MRPL50: variants seen among roughly 807,000 people sequenced by gnomAD.
MRPL50 encodes large ribosomal subunit protein mL50.
MRPL50 carries 10 observed loss-of-function variants against 16.2 expected under a neutral mutation model. That is an observed-to-expected ratio of 0.62 (90% CI 0.38 to 1.05). The LOEUF (loss-of-function observed/expected upper bound fraction) is 1.05. Ranked by LOEUF, MRPL50 falls within the 50% of genes least tolerant of loss-of-function variation. The probability of loss-of-function intolerance (pLI) is 0.01; values close to 1 mark genes in which losing one functional copy is unlikely to be tolerated. For synonymous variants in MRPL50, 68 were observed against 66.8 expected (o/e 1.02, Z -0.09); for missense variants, 213 against 187.1 (o/e 1.14, Z -0.81).
chr9:101,393,452 C>T (rs571110844), intron 1 of MRPL50, among the ~76,000 whole-genome samples: 8 of 151,934 alleles, frequency 5.3e-5, no homozygotes, highest in South Asian at 4.2e-4. Context: ...TATGATCTTA[C>T]GTATCATACG....
rs760707414 is a variant in MRPL50, at chr9:101,388,541, C to T, written c.*1925G>A. On this transcript the variant is annotated 3_prime_UTR_variant, in exon 2 of 2. Transcript: ENST00000374865. ...TCTGTATGTAAACCCTTTAAAATTA[C>T]ATCATATGTTTGATTATCTCATTCA... The T allele has an allele frequency of 1.3e-5, 2 of 152,106 alleles. No individual in the cohort carries two copies. The allele number at this position is 152,106 out of a possible 1,614,324, so 9.4% of individuals were successfully genotyped here. A position where few individuals can be genotyped will look rare whatever the true frequency, so the allele number is the denominator to read the frequency against.
intron 1 of MRPL50, among the ~76,000 whole-genome samples, chr9:101,397,960 C>T (rs78746608): frequency 6.6e-5 from 10 of 152,184 alleles, no homozygotes; most frequent in Admixed American, 6.5e-5. Flanking sequence ...AAAATCACTT[C>T]CCTCCTGTGG....
At position 101,398,589 on chromosome 9, in the gene MRPL50, C is replaced by G; in HGVS notation, c.4G>C (p.Ala2Pro). 6.2e-7 allele frequency: 1 copy of G among 1,613,652 alleles called. No individual in the cohort carries two copies. The highest frequency in any genetic ancestry group is 1.1e-5 in the South Asian group (1 of 91,080). The change falls in exon 1 of 2, where the codon GCG becomes CCG. Residue 2 changes from alanine to proline, a missense_variant. By Grantham distance (27) the Ala-to-Pro change is conservative. Coordinates refer to ENST00000374865, the MANE Select transcript of MRPL50 (RefSeq NM_019051.3). M[A>P]ARSVSGITRR... ...GTAATGCCCGACACAGATCGCGCCGCCATCTTCGATGAGATCCACGGGCCT... is the reference window on the plus strand; with the variant it reads ...GTAATGCCCGACACAGATCGCGCCGGCATCTTCGATGAGATCCACGGGCCT...
At chr9:101,397,179 G>C (rs1016979177) in intron 1 of MRPL50, among the ~76,000 whole-genome samples, 5 of 152,016 alleles carry the variant, frequency 3.3e-5, no homozygotes, top group Non-Finnish European at 7.4e-5. Context: ...AATTCTAACT[G>C]GCCAGGTGTG....
chr9:101,398,149 AGCCG>A (rs1426819024), intron 1 of MRPL50, among the ~76,000 whole-genome samples: 34 of 152,344 alleles, frequency 2.2e-4, no homozygotes, highest in African/African-American at 7.2e-4. Flanking sequence ...GAAGAAACAC[AGCCG>A]GCAAATGAGT....
In MRPL50 at chr9:101,390,433, C is replaced by T. The variant is rs1018499821; in HGVS notation, c.*33G>A. 5 of 1,583,202 alleles carry T rather than the reference C, an allele frequency of 3.2e-6. No homozygotes were observed. The highest frequency in any genetic ancestry group is 3.4e-6 in the Non-Finnish European group (4 of 1,164,472). On this transcript the variant is annotated 3_prime_UTR_variant, in exon 2 of 2. Coordinates refer to ENST00000374865, the MANE Select transcript of MRPL50 (RefSeq NM_019051.3). ...AGCAGCCCCCTTGCTCAGGGAAAGA[C>T]AGTGATTTCAATGTGTTTCTCTTCC...
chr9:101,398,063 A>C (rs780324213), intron 1 of MRPL50, among the ~76,000 whole-genome samples: 3 of 152,168 alleles, frequency 2.0e-5, no homozygotes, highest in African/African-American at 4.8e-5. Context: ...TGCTGGCCCT[A>C]AGAAATCTGT....
At position 101,394,026 on chromosome 9, in the gene MRPL50, T is replaced by C. The variant is rs1401437105; in HGVS notation, c.93-3176A>G. Among the ~76,000 whole-genome samples, 6 of 145,896 alleles carry C rather than the reference T, an allele frequency of 4.1e-5. No homozygotes were observed. In the East Asian group the frequency reaches 1.2e-3, roughly 29 times the overall value. The stretch of plus-strand genomic sequence containing the variant: ...AAAAAAAAAAAAGACCACACCTAAC[T>C]GACCCCACCTTGCTTCTAACCTTTA... On this transcript the variant is annotated intron_variant, in intron 1 of 1. Transcript: ENST00000374865.
intron 1 of MRPL50, among the ~76,000 whole-genome samples, chr9:101,394,249 C>T (rs189654595): frequency 5.2e-4 from 79 of 152,244 alleles, no homozygotes; most frequent in Non-Finnish European, 7.9e-4. Context: ...ATTCAGACTC[C>T]GGCTGCAAGA....
chr9:101,388,331 G>C lies in MRPL50; in HGVS notation c.*2135C>G, dbSNP rs1253282956. The C allele has an allele frequency of 6.6e-6, 1 of 152,052 alleles. No individual in the cohort carries two copies. The highest frequency in any genetic ancestry group is 1.5e-5 in the Non-Finnish European group (1 of 67,984). The allele number at this position is 152,052 out of a possible 1,614,324, so 9.4% of individuals were successfully genotyped here. A position where few individuals can be genotyped will look rare whatever the true frequency, so the allele number is the denominator to read the frequency against. ...CTTGGTTTTTGCAGTTACCACTCCA[G>C]TTGTAACTGTTTTTCCACATAGACC... On this transcript the variant is annotated 3_prime_UTR_variant, in exon 2 of 2. Transcript: ENST00000374865.
At chr9:101,397,357 AATCAAC>A (rs1256742172) in intron 1 of MRPL50, among the ~76,000 whole-genome samples, 1 of 152,246 alleles carries the variant, frequency 6.6e-6, no homozygotes, top group Non-Finnish European at 1.5e-5. Flanking sequence ...CTTGACTAAT[AATCAAC>A]ATCAAGTTGT....
At chr9:101,397,292 TTC>T (rs1830364563) in intron 1 of MRPL50, among the ~76,000 whole-genome samples, 3 of 152,100 alleles carry the variant, frequency 2.0e-5, no homozygotes, top group Admixed American at 6.6e-5. Flanking sequence ...GAGAACTCCT[TTC>T]TCTAAAACAA....
chr9:101,388,630 G>A lies in MRPL50; in HGVS notation c.*1836C>T, dbSNP rs1830230761. On this transcript the variant is annotated 3_prime_UTR_variant, in exon 2 of 2. Transcript: ENST00000374865. ...AGGCCATTATTCTGATATAGTCACTGTATTGAGCTATAAACCAGTGATGCC... is the reference window on the plus strand; with the variant it reads ...AGGCCATTATTCTGATATAGTCACTATATTGAGCTATAAACCAGTGATGCC... 6.6e-6 allele frequency: 1 copy of A among 152,054 alleles called. No homozygotes were observed. The highest frequency in any genetic ancestry group is 1.5e-5 in the Non-Finnish European group (1 of 67,988). 9.4% of individuals were successfully genotyped at this position (152,054 alleles called of 1,614,324 possible).
At chr9:101,395,970 T>C (rs1274486786) in intron 1 of MRPL50, among the ~76,000 whole-genome samples, 1 of 152,126 alleles carries the variant, frequency 6.6e-6, no homozygotes, top group African/African-American at 2.4e-5. Flanking sequence ...AACAAAGAGA[T>C]AAATAACGTG....
In MRPL50 at chr9:101,389,577, C is replaced by A; in HGVS notation, c.*889G>T. On this transcript the variant is annotated 3_prime_UTR_variant, in exon 2 of 2. Transcript: ENST00000374865. ...TGTCAGCAGTCAGAACAATATAAGA[C>A]ATTCCTTCTGTCTCATTACTCTCCA... 1 of 817,566 alleles carries A rather than the reference C, an allele frequency of 1.2e-6. No homozygotes were observed. The highest frequency in any genetic ancestry group is 1.6e-5 in the South Asian group (1 of 62,588). The allele number at this position is 817,566 out of a possible 1,614,324, so 50.6% of individuals were successfully genotyped here. A position where few individuals can be genotyped will look rare whatever the true frequency, so the allele number is the denominator to read the frequency against.
chr9:101,397,221 G>A (rs1361433579), intron 1 of MRPL50, among the ~76,000 whole-genome samples: 1 of 152,148 alleles, frequency 6.6e-6, no homozygotes, highest in Non-Finnish European at 1.5e-5. Flanking sequence ...AGCAATTTGG[G>A]AGGCCAAGGT....
At position 101,388,132 on chromosome 9, in the gene MRPL50, A is replaced by C. The variant is rs557980241; in HGVS notation, c.*2334T>G. The stretch of plus-strand genomic sequence containing the variant: ...CATAATCAGCTTTTGAAGCATGCAG[A>C]AGCTCAGGACCTACTCCAGACTTAC... On this transcript the variant is annotated 3_prime_UTR_variant, in exon 2 of 2. Transcript: ENST00000374865. 2.6e-5 allele frequency: 4 copies of C among 152,232 alleles called. No individual in the cohort carries two copies. Among genetic ancestry groups the C allele is most frequent in the South Asian group, 2.1e-4 (1 of 4,826 alleles). The allele number at this position is 152,232 out of a possible 1,614,324, so 9.4% of individuals were successfully genotyped here. A position where few individuals can be genotyped will look rare whatever the true frequency, so the allele number is the denominator to read the frequency against.
intron 1 of MRPL50, 80 bp downstream of exon 1, chr9:101,398,421 G>T (rs900750860): frequency 2.2e-6 from 3 of 1,360,532 alleles, no homozygotes; most frequent in African/African-American, 1.4e-5. Context: ...CCACGATGGC[G>T]TAACACTCTA....
rs200918430 is a variant in MRPL50, at chr9:101,390,500, A to G, written c.443T>C (p.Leu148Pro). Residue 148 changes from leucine (L) to proline (P), a missense_variant, in exon 2 of 2, where the codon CTG becomes CCG. Coordinates refer to ENST00000374865, the MANE Select transcript of MRPL50 (RefSeq NM_019051.3). ...SKFDELSASNLPPNLKITWSY is the reference protein window; with the variant it reads ...SKFDELSASNPPPNLKITWSY ...CCAAGTGATTTTCAAATTGGGGGGCAGATTACTGGCACTGAGTTCATCAAA... is the reference window on the plus strand; with the variant it reads ...CCAAGTGATTTTCAAATTGGGGGGCGGATTACTGGCACTGAGTTCATCAAA... The G allele has an allele frequency of 8.0e-4, 1,295 of 1,611,618 alleles. 1 individual carries two copies. Among genetic ancestry groups the G allele is most frequent in the Non-Finnish European group, 1.0e-3 (1,198 of 1,178,828 alleles).
Sources: gnomAD v4.1 joint callset for allele counts (sites outside exome capture counted in the v4.1 genomes callset) on GRCh38, gnomAD v4.1.1 for gene constraint, MANE v1.5 for transcripts, NCBI Gene and HGNC (gene_info 2026-07-23, HGNC 2026-07-21) for gene names.